VPS35L: variants seen among roughly 807,000 people sequenced by gnomAD.
VPS35L encodes the protein VPS35 endosomal protein-sorting factor-like.
VPS35L carries 83 observed loss-of-function variants against 133.0 expected under a neutral mutation model. The ratio of observed to expected loss-of-function variants is 0.62; its 90% CI spans 0.52 to 0.75. The LOEUF (loss-of-function observed/expected upper bound fraction) is 0.75, where lower values mean the gene tolerates loss of function less well. Among genes scored for constraint, VPS35L ranks in the 30% least tolerant of loss-of-function variants. The probability of loss-of-function intolerance (pLI) is 0.00; values close to 1 mark genes in which losing one functional copy is unlikely to be tolerated. For synonymous variants in VPS35L, 423 were observed against 449.9 expected (o/e 0.94, Z 0.76); for missense variants, 1,083 against 1,206.8 (o/e 0.90, Z 1.52).
At position 19,633,935 on chromosome 16, in the gene VPS35L, C is replaced by T. The variant is rs1973540071; in HGVS notation, c.1635+763C>T. 6.6e-6 allele frequency among the ~76,000 whole-genome samples: 1 copy of T among 151,898 alleles called. No homozygotes were observed. The highest frequency in any genetic ancestry group is 1.5e-5 in the Non-Finnish European group (1 of 67,990). ...TAGAGTTGGGGTTTCACCGCGTTAGCCAGGGTGGTCTCGATGTCCTGACTT... is the reference window on the plus strand; with the variant it reads ...TAGAGTTGGGGTTTCACCGCGTTAGTCAGGGTGGTCTCGATGTCCTGACTT... On this transcript the variant is annotated intron_variant, in intron 19 of 30. Transcript: ENST00000417362. The surrounding 1 kb of genome is among the most constrained non-coding windows in gnomAD (Gnocchi z 4.1).
chr16:19,596,348 C>G (rs9928109), intron 8 of VPS35L, among the ~76,000 whole-genome samples: 3,833 of 151,634 alleles, frequency 0.025, 173 homozygotes, highest in African/African-American at 0.089. Flanking sequence ...GATCATGGCT[C>G]ACTGCAGCCT....
rs766822911 is a variant in VPS35L at position 19,691,464 on chromosome 16, A to C, written c.2639A>C (p.Lys880Thr). The C allele has an allele frequency of 2.5e-6, 4 of 1,612,972 alleles. No homozygotes were observed. Among genetic ancestry groups the C allele is most frequent in the Admixed American group, 1.7e-5 (1 of 60,002 alleles). Reference sequence around the variant, plus strand: ...CTAGAGCATCTGAAAACCCTGGCCAAGGACGAGGTGGGTGCCCTCTGCTGT... The same window carrying C: ...CTAGAGCATCTGAAAACCCTGGCCACGGACGAGGTGGGTGCCCTCTGCTGT... ...QILEHLKTLA[K>T]DEALKRQSSL... Residue 880 changes from lysine to threonine, a missense_variant, in exon 29 of 31, where the codon AAG becomes ACG. By Grantham distance (78) the Lys-to-Thr change is moderately conservative. Transcript: ENST00000417362.
Position 19,589,725 on chromosome 16 carries a change from C to T in VPS35L, c.640-2065C>T, listed in dbSNP as rs565225168. On this transcript the variant is annotated intron_variant, in intron 7 of 30. Transcript: ENST00000417362. ...AAAAACAAAATCTTATTCCTGTTGT[C>T]CTTTATAAAATATATGTTCTATGAA... 8.5e-5 allele frequency among the ~76,000 whole-genome samples: 13 copies of T among 152,266 alleles called. No homozygotes were observed. The South Asian group carries it at 2.7e-3, about 32-fold the overall frequency.
At chr16:19,563,264 G>GT (rs1191891604) in intron 1 of VPS35L, among the ~76,000 whole-genome samples, 6 of 150,052 alleles carry the variant, frequency 4.0e-5, no homozygotes, top group Non-Finnish European at 7.4e-5. Flanking sequence ...GAGCTCAGGA[G>GT]TTTAAGACCA....
intron 28 of VPS35L, among the ~76,000 whole-genome samples, chr16:19,687,361 C>T (rs1368331131): frequency 6.6e-6 from 1 of 152,206 alleles, no homozygotes; most frequent in Non-Finnish European, 1.5e-5. Context: ...TGCAGTTTTG[C>T]TGCCCTGCAC....
intron 14 of VPS35L, among the ~76,000 whole-genome samples, chr16:19,623,030 A>T (rs1019982682): frequency 3.3e-5 from 5 of 152,196 alleles, no homozygotes; most frequent in African/African-American, 1.2e-4. Flanking sequence ...CAGAGCCGAC[A>T]GCATCCAGGG....
At chr16:19,635,696 G>A (rs773528574) in intron 19 of VPS35L, among the ~76,000 whole-genome samples, 7 of 152,154 alleles carry the variant, frequency 4.6e-5, no homozygotes, top group Non-Finnish European at 7.3e-5. Flanking sequence ...AAAAAATGAA[G>A]TGTTAAGGGG....
intron 18 of VPS35L, among the ~76,000 whole-genome samples, chr16:19,630,437 C>T (rs1973414790): frequency 6.6e-6 from 1 of 151,316 alleles, no homozygotes; most frequent in Non-Finnish European, 1.5e-5. Context: ...GGGTTCACGC[C>T]ATTCTCCTGC....
intron 5 of VPS35L, chr16:19,578,359 G>C: frequency 4.7e-6 from 2 of 426,650 alleles, no homozygotes; most frequent in South Asian, 3.3e-5. Flanking sequence ...GGACGACAGA[G>C]TAAGACCCCA....
rs546941785 is a variant in VPS35L, at chr16:19,659,798, A to G, written c.2221+7708A>G. ...TTCATTGCAGGCAAAGTTTTCAGGA[A>G]GAAGATATGTCTGGATGTTGCATTT... On this transcript the variant is annotated intron_variant, in intron 26 of 30. Coordinates refer to ENST00000417362, the MANE Select transcript of VPS35L (RefSeq NM_020314.7). 3.9e-5 allele frequency among the ~76,000 whole-genome samples: 6 copies of G among 152,348 alleles called. No homozygotes were observed. In the South Asian group the frequency reaches 1.2e-3, roughly 32 times the overall value.
intron 12 of VPS35L, among the ~76,000 whole-genome samples, chr16:19,614,869 T>C (rs1232546165): frequency 6.6e-6 from 1 of 152,218 alleles, no homozygotes; most frequent in East Asian, 1.9e-4. Context: ...TGGCACCTTC[T>C]CTATGATTAG....
rs60521137 is a variant in VPS35L at position 19,622,140 on chromosome 16, C to CTTTTTTTTTT, written c.1225-4024_1225-4015dup. 3.7e-3 allele frequency among the ~76,000 whole-genome samples: 398 copies of CTTTTTTTTTT among 107,882 alleles called. 16 individuals carry two copies. The highest frequency in any genetic ancestry group is 0.036 in the East Asian group (109 of 3,032). 70.8% of individuals were successfully genotyped at this position (107,882 alleles called of 152,430 possible). ...TTGATTCCAGGATCTCCATGTATATCTTTTTTTTTTTTTTTTTTTTTTAAG... is the reference window on the plus strand; with the variant it reads ...TTGATTCCAGGATCTCCATGTATATCTTTTTTTTTTTTTTTTTTTTTTTTTTTTTTTTAAG... On this transcript the variant is annotated intron_variant, in intron 14 of 30. Coordinates refer to ENST00000417362, the MANE Select transcript of VPS35L (RefSeq NM_020314.7).
intron 9 of VPS35L, among the ~76,000 whole-genome samples, chr16:19,604,156 T>TA (rs202170774): frequency 0.024 from 3,663 of 150,148 alleles, 152 homozygotes; most frequent in African/African-American, 0.084. Flanking sequence ...CAACAGCATT[T>TA]AAAAAAAAAT....
rs774378086 is a variant in VPS35L at position 19,629,847 on chromosome 16, G to T, written c.1554+27G>T. ...TATGTGTGACTGTGGTATTGTTTTT[G>T]AAAGAATTAGATTTTTTCATGTTTA... On this transcript the variant is annotated intron_variant, in intron 18 of 30. Transcript: ENST00000417362. 4 of 1,604,546 alleles carry T rather than the reference G, an allele frequency of 2.5e-6. No individual in the cohort carries two copies. In the South Asian group the frequency reaches 4.4e-5, roughly 18 times the overall value.
At chr16:19,653,372 T>C (rs757958570) in intron 26 of VPS35L, among the ~76,000 whole-genome samples, 1 of 152,246 alleles carries the variant, frequency 6.6e-6, no homozygotes, top group Non-Finnish European at 1.5e-5. Context: ...GTGTTTGTTA[T>C]GTGGCAAGCC....
Position 19,610,385 on chromosome 16 carries a change from G to A in VPS35L, c.993G>A (p.Val331=). Residue 331 remains valine, a synonymous_variant, in exon 12 of 31, where the codon GTG becomes GTA. Transcript: ENST00000417362. The part of the protein sequence containing the change: ...CMIRGIGDPL[V]SVYARAYLCR... ...TCAGAGGGATCGGAGACCCACTAGT[G>A]TCGGTGTATGCCCGTGCCTACCTGT... 3.7e-6 allele frequency: 6 copies of A among 1,614,140 alleles called. No homozygotes were observed. The highest frequency in any genetic ancestry group is 5.1e-6 in the Non-Finnish European group (6 of 1,180,028).
At chr16:19,614,861 G>T (rs1456249553) in intron 12 of VPS35L, among the ~76,000 whole-genome samples, 3 of 152,130 alleles carry the variant, frequency 2.0e-5, no homozygotes, top group African/African-American at 2.4e-5. Flanking sequence ...CCCAGTACTG[G>T]CACCTTCTCT....
At chr16:19,590,507 A>G (rs1387756346) in intron 7 of VPS35L, among the ~76,000 whole-genome samples, 2 of 152,152 alleles carry the variant, frequency 1.3e-5, no homozygotes, top group African/African-American at 4.8e-5. Flanking sequence ...AGGGCATGGC[A>G]TTAAATTTAG....
chr16:19,625,398 G>C (rs979355393), intron 14 of VPS35L, among the ~76,000 whole-genome samples: 1 of 152,152 alleles, frequency 6.6e-6, no homozygotes, highest in Non-Finnish European at 1.5e-5. Flanking sequence ...AGTGCACCTT[G>C]GGCACCTCTT....
Sources: allele counts gnomAD v4.1 joint callset (sites outside exome capture counted in the v4.1 genomes callset), GRCh38; gene constraint gnomAD v4.1.1; non-coding constraint Gnocchi (gnomAD v3.1); transcripts MANE v1.5; gene names NCBI Gene and HGNC (gene_info 2026-07-23, HGNC 2026-07-21).